NUBPL: variants seen among roughly 807,000 people sequenced by gnomAD.
The protein encoded by NUBPL is NUBP iron-sulfur cluster assembly factor, mitochondrial, also known as iron-sulfur cluster transfer protein NUBPL.
In NUBPL, 31 loss-of-function variants were observed where a neutral mutation model predicts 45.7. That is an observed-to-expected ratio of 0.68 (90% confidence interval 0.51 to 0.92). The LOEUF is 0.92. Ranked by LOEUF, NUBPL falls within the 40% of genes least tolerant of loss-of-function variation. NUBPL has a pLI of 0.00. For missense variants in NUBPL, 401 were observed against 398.7 expected (o/e 1.01, Z -0.05); for synonymous variants, 144 against 140.9 (o/e 1.02, Z -0.15).
rs575355930 is a variant in NUBPL, at chr14:31,729,533, G to A, written c.513+55959G>A. On this transcript the variant is annotated intron_variant, in intron 6 of 10. Coordinates refer to ENST00000281081, the MANE Select transcript of NUBPL (RefSeq NM_025152.3). ...ACAAATTTTTAATGTTTATTGGAAT[G>A]TCAAGATTAAAACATATTACTTTAG... Among the ~76,000 whole-genome samples the A allele has an allele frequency of 9.9e-5, 15 of 152,160 alleles. No homozygotes were observed. In the South Asian group the frequency reaches 1.7e-3, roughly 17 times the overall value.
chr14:31,644,296 G>C (rs1171246603), intron 4 of NUBPL, among the ~76,000 whole-genome samples: 3 of 151,870 alleles, frequency 2.0e-5, no homozygotes, highest in African/African-American at 7.2e-5. Flanking sequence ...TATTGCTATA[G>C]ACTTCCATCT....
chr14:31,852,970 G>A (rs1244185429), intron 10 of NUBPL, among the ~76,000 whole-genome samples: 1 of 152,214 alleles, frequency 6.6e-6, no homozygotes, highest in Non-Finnish European at 1.5e-5. Flanking sequence ...AAAGAATGAA[G>A]GAAGTGTTTA....
chr14:31,720,422 A>G (rs772041266), intron 6 of NUBPL, among the ~76,000 whole-genome samples: 1 of 152,170 alleles, frequency 6.6e-6, no homozygotes, highest in African/African-American at 2.4e-5. Flanking sequence ...TCTGTGGCAT[A>G]AGGCATTTGC....
At chr14:31,673,311 T>C in intron 4 of NUBPL, 44 bp from the exon 5 acceptor site, 1 of 1,488,054 alleles carries the variant, frequency 6.7e-7, no homozygotes, top group Non-Finnish European at 9.2e-7. Context: ...TGTTTATGTG[T>C]TGTGTTTTAT....
chr14:31,739,948 T>C (rs1004593980), intron 6 of NUBPL, among the ~76,000 whole-genome samples: 3 of 152,200 alleles, frequency 2.0e-5, no homozygotes, highest in African/African-American at 2.4e-5. Context: ...CACTTAGCAG[T>C]AGCATTTAAG....
chr14:31,597,058 T>TCCGTCCTTAATCCC (rs2139548231), intron 3 of NUBPL, among the ~76,000 whole-genome samples: 1 of 152,294 alleles, frequency 6.6e-6, no homozygotes, highest in Non-Finnish European at 1.5e-5. Flanking sequence ...CCCTTTATCC[T>TCCGTCCTTAATCCC]GTTCTTCCTC....
chr14:31,619,750 C>G (rs902651780), intron 4 of NUBPL, among the ~76,000 whole-genome samples: 1 of 152,052 alleles, frequency 6.6e-6, no homozygotes, highest in African/African-American at 2.4e-5. Context: ...GTGAATCCTA[C>G]GATTATGTGC....
chr14:31,841,921 T>TG (rs773326267), intron 8 of NUBPL, among the ~76,000 whole-genome samples: 1,370 of 98,718 alleles, frequency 0.014, 82 homozygotes, highest in Non-Finnish European at 0.02. Context: ...TCTGGGCTTT[T>TG]TTTTTTTTTT....
intron 4 of NUBPL, among the ~76,000 whole-genome samples, chr14:31,655,542 G>A (rs559722173): frequency 5.9e-5 from 9 of 152,194 alleles, no homozygotes; most frequent in East Asian, 5.8e-4. Flanking sequence ...GCAAAACCCC[G>A]TCTCTACTGA....
At position 31,718,405 on chromosome 14, in the gene NUBPL, A is replaced by G. The variant is rs183113431; in HGVS notation, c.513+44831A>G. 2.0e-3 allele frequency among the ~76,000 whole-genome samples: 304 copies of G among 152,290 alleles called. 4 individuals are homozygous for G. The highest frequency in any genetic ancestry group is 0.018 in the Admixed American group (268 of 15,284). On this transcript the variant is annotated intron_variant, in intron 6 of 10. Transcript: ENST00000281081. ...CAAACCCAAGTTTCTAAACATCTAA[A>G]TGGAAAAATGCTTTTAATCTCAGGC...
chr14:31,759,935 A>G (rs550105123), intron 6 of NUBPL, among the ~76,000 whole-genome samples: 5 of 151,280 alleles, frequency 3.3e-5, no homozygotes, highest in Non-Finnish European at 7.4e-5. Flanking sequence ...GATGTTTGGT[A>G]GATTAGTTGT....
intron 4 of NUBPL, among the ~76,000 whole-genome samples, chr14:31,606,010 T>C (rs1420517685): frequency 6.8e-6 from 1 of 148,042 alleles, no homozygotes; most frequent in African/African-American, 2.5e-5. Context: ...CCTTCTTCCT[T>C]TTCTCCTCCC....
intron 6 of NUBPL, among the ~76,000 whole-genome samples, chr14:31,745,962 C>T (rs1474376299): frequency 6.6e-6 from 1 of 151,958 alleles, no homozygotes; most frequent in African/African-American, 2.4e-5. Context: ...GTTTAACAAG[C>T]CCTTTCTATA....
rs543465705 is a variant in NUBPL at position 31,733,017 on chromosome 14, A to G, written c.514-54763A>G. Among the ~76,000 whole-genome samples the G allele has an allele frequency of 1.6e-4, 25 of 152,320 alleles. No individual in the cohort carries two copies. In the South Asian group the frequency reaches 5.0e-3, roughly 30 times the overall value. On this transcript the variant is annotated intron_variant, in intron 6 of 10. Transcript: ENST00000281081. ...TCTAGAAGGTTTTTGATTCTGGTCT[A>G]AGCCTATGATCATCTCAAATTAATT...
rs2036623607 is a variant in NUBPL at position 31,673,475 on chromosome 14, C to G, written c.423-9C>G. The G allele has an allele frequency of 6.2e-7, 1 of 1,612,056 alleles. No homozygotes were observed. Among genetic ancestry groups the G allele is most frequent in the Admixed American group, 1.7e-5 (1 of 59,960 alleles). ...ACAAATTAGTTGTATTTTTATGTTA[C>G]TGTTGCAGTATGTCTATGGGCTTTC... On this transcript the variant is annotated splice_polypyrimidine_tract_variant and intron_variant, in intron 5 of 10. Coordinates refer to ENST00000281081, the MANE Select transcript of NUBPL (RefSeq NM_025152.3).
chr14:31,570,390 A>C (rs948606373), intron 3 of NUBPL, among the ~76,000 whole-genome samples: 1 of 152,192 alleles, frequency 6.6e-6, no homozygotes, highest in African/African-American at 2.4e-5. Context: ...GGACAAAAGG[A>C]AGACAAATGT....
In NUBPL at chr14:31,765,149, G is replaced by A. The variant is rs140943284; in HGVS notation, c.514-22631G>A. Among the ~76,000 whole-genome samples, 995 of 152,234 alleles carry A rather than the reference G, an allele frequency of 6.5e-3. 12 individuals carry two copies. Among genetic ancestry groups the A allele is most frequent in the African/African-American group, 0.022 (932 of 41,540 alleles). ...TTTAATTGATATATTCAAAAAAAAG[G>A]TCTGACTTCTGCTTACTTCTTAGCT... is the stretch of plus-strand genomic sequence containing the variant. On this transcript the variant is annotated intron_variant, in intron 6 of 10. Transcript: ENST00000281081.
intron 6 of NUBPL, 24 bp downstream of exon 6, chr14:31,673,598 A>G (rs761169075): frequency 9.5e-6 from 15 of 1,578,974 alleles, no homozygotes; most frequent in Admixed American, 3.3e-5. Flanking sequence ...TTTAAATATC[A>G]TTTTATCATT....
At chr14:31,787,936 A>C in intron 7 of NUBPL, 63 bp downstream of exon 7, 1 of 1,084,978 alleles carries the variant, frequency 9.2e-7, no homozygotes, top group Non-Finnish European at 1.4e-6. Context: ...GCTATACCAA[A>C]AAACAAACTC....
Sources: allele counts gnomAD v4.1 joint callset (sites outside exome capture counted in the v4.1 genomes callset), GRCh38; gene constraint gnomAD v4.1.1; transcripts MANE v1.5; gene names NCBI Gene and HGNC (gene_info 2026-07-23, HGNC 2026-07-21).